ARL14EPL: variants seen among roughly 807,000 people sequenced by gnomAD.
ARL14EPL encodes ARL14 effector protein-like.
A neutral mutation model predicts 15.9 loss-of-function variants in ARL14EPL; 17 were observed. That is an observed-to-expected ratio of 1.07 (90% CI 0.73 to 1.60). The LOEUF (loss-of-function observed/expected upper bound fraction) is 1.60. Among genes scored for constraint, ARL14EPL ranks in the 40% most tolerant of loss-of-function variants. ARL14EPL has a pLI of 0.00. For synonymous variants in ARL14EPL, 78 were observed against 63.8 expected (o/e 1.22, Z -1.06); for missense variants, 214 against 185.9 (o/e 1.15, Z -0.88).
chr5:116,036,100 A>G (rs1580409594), intron 1 of ARL14EPL, among the ~76,000 whole-genome samples: 1 of 152,346 alleles, frequency 6.6e-6, no homozygotes, highest in South Asian at 2.1e-4. Context: ...ATTGAGAGAC[A>G]ATGGCTTACT....
chr5:116,042,329 A>G (rs545927756), intron 1 of ARL14EPL, among the ~76,000 whole-genome samples: 54 of 152,242 alleles, frequency 3.5e-4, no homozygotes, highest in African/African-American at 1.3e-3. Flanking sequence ...TCATTGGCAC[A>G]TTGTCTGGCT....
chr5:116,047,060 C>A (rs1359945688), intron 1 of ARL14EPL, among the ~76,000 whole-genome samples: 1 of 152,176 alleles, frequency 6.6e-6, no homozygotes, highest in African/African-American at 2.4e-5. Context: ...CAATTGGCAC[C>A]TTGATCTTGG....
chr5:116,049,114 A>C (rs1749324595), intron 1 of ARL14EPL, among the ~76,000 whole-genome samples: 1 of 152,218 alleles, frequency 6.6e-6, no homozygotes, highest in African/African-American at 2.4e-5. Flanking sequence ...GTTCTAAGTC[A>C]AACCATCTTC....
chr5:116,049,422 GT>G (rs758654044), intron 1 of ARL14EPL, among the ~76,000 whole-genome samples: 12 of 152,188 alleles, frequency 7.9e-5, no homozygotes, highest in Non-Finnish European at 1.3e-4. Context: ...GACATTGCAT[GT>G]GAGAGTATCA....
chr5:116,051,324 G>T (rs1346280488), intron 1 of ARL14EPL, 133 bp from the exon 2 acceptor site: 2 of 631,294 alleles, frequency 3.2e-6, no homozygotes, highest in South Asian at 2.1e-5. Flanking sequence ...GGGAGAAAAG[G>T]TTCTGGGAGT....
Position 116,059,160 on chromosome 5 carries a change from A to T in ARL14EPL, c.*213A>T, listed in dbSNP as rs10079565. The T allele has an allele frequency of 0.04, 22,393 of 566,356 alleles. 2,015 individuals carry two copies. Among genetic ancestry groups the T allele is most frequent in the African/African-American group, 0.23 (12,371 of 53,310 alleles). 35.1% of individuals were successfully genotyped at this position (566,356 alleles called of 1,614,324 possible). A position where few individuals can be genotyped will look rare whatever the true frequency, so the allele number is the denominator to read the frequency against. ...TTCAAGTCCCTTAACTTGCAACCAA[A>T]GAATGTAACAATGGAGGGATCAGCA... On this transcript the variant is annotated 3_prime_UTR_variant, in exon 4 of 4. Transcript: ENST00000686077.
At chr5:116,047,675 G>T (rs1273562221) in intron 1 of ARL14EPL, among the ~76,000 whole-genome samples, 1 of 152,090 alleles carries the variant, frequency 6.6e-6, no homozygotes, top group African/African-American at 2.4e-5. Flanking sequence ...CTTCCTTCTG[G>T]GTATAAGGCA....
chr5:116,053,412 C>T (rs968980183), intron 2 of ARL14EPL, among the ~76,000 whole-genome samples: 2 of 151,842 alleles, frequency 1.3e-5, no homozygotes, highest in African/African-American at 2.4e-5. Flanking sequence ...AAAATGTCCC[C>T]GTATGCCCTA....
intron 1 of ARL14EPL, among the ~76,000 whole-genome samples, chr5:116,049,973 A>T (rs965575636): frequency 4.6e-5 from 7 of 152,228 alleles, no homozygotes; most frequent in Non-Finnish European, 8.8e-5. Context: ...ACAAAATTAA[A>T]TTCACCACTG....
chr5:116,052,573 GT>G (rs1384028069), intron 2 of ARL14EPL, among the ~76,000 whole-genome samples: 2 of 152,174 alleles, frequency 1.3e-5, no homozygotes, highest in Non-Finnish European at 2.9e-5. Context: ...CTGGGTCTCT[GT>G]TCTTAACCTC....
At chr5:116,038,913 A>T (rs1314506686) in intron 1 of ARL14EPL, among the ~76,000 whole-genome samples, 1 of 130,170 alleles carries the variant, frequency 7.7e-6, no homozygotes, top group Non-Finnish European at 1.7e-5. Context: ...GAGAGGCCAA[A>T]CCTGTAACAC....
chr5:116,051,835 A>G, intron 2 of ARL14EPL: 1 of 1,032,522 alleles, frequency 9.7e-7, no homozygotes, highest in Admixed American at 2.4e-5. Context: ...ATATATACAA[A>G]CGTTTTTATT....
At chr5:116,051,938 T>G in intron 2 of ARL14EPL, 1 of 1,604,910 alleles carries the variant, frequency 6.2e-7, no homozygotes, top group Admixed American at 1.7e-5. Context: ...AGCTGGAGCA[T>G]CTCCACCCTT....
chr5:116,052,015 G>T (rs1237488085), intron 2 of ARL14EPL: 13 of 1,611,128 alleles, frequency 8.1e-6, no homozygotes, highest in Non-Finnish European at 1.1e-5. Context: ...CTTTACTAAG[G>T]AGCTCCTGAA....
intron 1 of ARL14EPL, among the ~76,000 whole-genome samples, chr5:116,050,508 G>A (rs944569303): frequency 6.6e-6 from 1 of 152,136 alleles, no homozygotes; most frequent in African/African-American, 2.4e-5. Flanking sequence ...AGCCACTGTC[G>A]AGAGCAGTTT....
intron 2 of ARL14EPL, among the ~76,000 whole-genome samples, chr5:116,052,734 A>G (rs997846265): frequency 6.6e-6 from 1 of 152,252 alleles, no homozygotes; most frequent in Non-Finnish European, 1.5e-5. Flanking sequence ...ATTATTTTAG[A>G]CTTACTAGAC....
At chr5:116,055,208 A>G (rs994380232) in intron 3 of ARL14EPL, among the ~76,000 whole-genome samples, 1 of 152,230 alleles carries the variant, frequency 6.6e-6, no homozygotes, top group South Asian at 2.1e-4. Flanking sequence ...TGATGAAGCT[A>G]TGAGATATGA....
chr5:116,054,323 A>G (rs1374060001), intron 3 of ARL14EPL, among the ~76,000 whole-genome samples, 170 bp downstream of exon 3: 1 of 152,228 alleles, frequency 6.6e-6, no homozygotes, highest in Non-Finnish European at 1.5e-5. Flanking sequence ...AGAAACAGAA[A>G]AATAGACTAT....
chr5:116,054,125 A>G lies in ARL14EPL; in HGVS notation c.208A>G (p.Met70Val), dbSNP rs1399496024. ...GAAAAAGAAAGCCCGGATGTCAAAG[A>G]TGAATGAATATTTTTCTACCAAATA... ...QQKKKARMSK[M>V]NEYFSTKYKI... Residue 70 changes from methionine (M) to valine (V), a missense_variant, in exon 3 of 4, where the codon ATG becomes GTG. Physicochemically the swap from Met to Val is conservative, Grantham distance 21 (BLOSUM62 1). Coordinates refer to ENST00000686077, the MANE Select transcript of ARL14EPL (RefSeq NM_001195581.2). 6.5e-7 allele frequency: 1 copy of G among 1,535,598 alleles called. No individual in the cohort carries two copies. Among genetic ancestry groups the G allele is most frequent in the Non-Finnish European group, 8.7e-7 (1 of 1,146,620 alleles).
Sources: allele counts gnomAD v4.1 joint callset (sites outside exome capture counted in the v4.1 genomes callset), GRCh38; gene constraint gnomAD v4.1.1; transcripts MANE v1.5; gene names NCBI Gene and HGNC (gene_info 2026-07-23, HGNC 2026-07-21).